The following DPP6 variants were observed in gnomAD, a reference collection of about 807,000 sequenced individuals.
DPP6 encodes A-type potassium channel modulatory protein DPP6.
Under a neutral mutation model 122.6 loss-of-function variants are expected in DPP6, and 69 were observed. The ratio of observed to expected loss-of-function variants is 0.56; its 90% CI spans 0.46 to 0.69. The LOEUF is 0.69. Among genes scored for constraint, DPP6 ranks in the 30% least tolerant of loss-of-function variants. The pLI is 0.00. For synonymous variants in DPP6, 418 were observed against 433.1 expected (o/e 0.97, Z 0.43); for missense variants, 928 against 1,116.9 (o/e 0.83, Z 2.41).
intron 1 of DPP6, among the ~76,000 whole-genome samples, chr7:154,186,138 C>T (rs1798342961): frequency 6.6e-6 from 1 of 152,106 alleles, no homozygotes; most frequent in African/African-American, 2.4e-5. Flanking sequence ...AGATTTCATC[C>T]GAACAGCATG....
At chr7:154,739,489 G>A (rs968733253) in intron 8 of DPP6, among the ~76,000 whole-genome samples, 3 of 152,262 alleles carry the variant, frequency 2.0e-5, no homozygotes, top group Non-Finnish European at 4.4e-5. Context: ...TTGTCTGCCC[G>A]GATCACAAAT....
intron 3 of DPP6, among the ~76,000 whole-genome samples, chr7:154,502,151 T>G (rs754752351): frequency 6.6e-6 from 1 of 152,162 alleles, no homozygotes; most frequent in Non-Finnish European, 1.5e-5. Flanking sequence ...GTACCCCCAT[T>G]GTATTTAGGA....
chr7:154,568,654 A>G (rs757439449), intron 5 of DPP6, among the ~76,000 whole-genome samples: 7 of 152,144 alleles, frequency 4.6e-5, no homozygotes, highest in Admixed American at 6.5e-5. Flanking sequence ...CCATTTTGAT[A>G]AAGATCATTT....
chr7:154,053,151 G>T (rs574503334), intron 1 of DPP6, 88 bp downstream of exon 1: 13 of 921,826 alleles, frequency 1.4e-5, no homozygotes, highest in Admixed American at 6.2e-5. Flanking sequence ...ATTTTTTTTG[G>T]GGGGGGAATC....
intron 1 of DPP6, among the ~76,000 whole-genome samples, chr7:154,318,100 A>G (rs1019011802): frequency 6.6e-6 from 1 of 152,212 alleles, no homozygotes. Flanking sequence ...GAGAATTCCT[A>G]ATTACACTGG....
At position 154,587,877 on chromosome 7, in the gene DPP6, A is replaced by G. The variant is rs779569958; in HGVS notation, c.627+20961A>G. 9.9e-6 allele frequency: 16 copies of G among 1,612,862 alleles called. No homozygotes were observed. In the East Asian group the frequency reaches 2.2e-4, roughly 22 times the overall value. On this transcript the variant is annotated intron_variant, in intron 5 of 25. Coordinates refer to ENST00000377770, the MANE Select transcript of DPP6 (RefSeq NM_130797.4). ...AAGGGGGACCTGTTTCAGATATTCC[A>G]TGGAGACCCTGGCTGGAGGATTGCA...
rs6960076 is a variant in DPP6 at position 154,481,103 on chromosome 7, C to T, written c.457+6066C>T. 0.22 allele frequency among the ~76,000 whole-genome samples: 33,942 copies of T among 151,888 alleles called. 4,750 individuals carry two copies. Among genetic ancestry groups the T allele is most frequent in the African/African-American group, 0.39 (16,286 of 41,360 alleles). On this transcript the variant is annotated intron_variant, in intron 3 of 25. Transcript: ENST00000377770. The surrounding 1 kb of genome is among the most constrained non-coding windows in gnomAD (Gnocchi z 4.2). ...AGCAGGAAGGACCGAGGCTCTACTC[C>T]GGCACCTCAGGTACTAGCTCAGGTG...
the DPP6 span, among the ~76,000 whole-genome samples, chr7:153,809,748 A>G: frequency 6.6e-6 from 1 of 151,056 alleles, no homozygotes; most frequent in Non-Finnish European, 1.5e-5. Flanking sequence ...GAGGGTATGT[A>G]TGAGCTCCAC....
At chr7:153,818,647 C>T in the DPP6 span, among the ~76,000 whole-genome samples, 1 of 151,304 alleles carries the variant, frequency 6.6e-6, no homozygotes, top group Non-Finnish European at 1.5e-5. Flanking sequence ...ATAGCCAAAG[C>T]CAGTTTTTAA....
intron 5 of DPP6, among the ~76,000 whole-genome samples, chr7:154,581,424 C>T (rs1832062113): frequency 6.6e-6 from 1 of 152,186 alleles, no homozygotes; most frequent in Non-Finnish European, 1.5e-5. Context: ...TCCTCCCCCA[C>T]TTCCTCCCAC....
At chr7:154,237,492 A>C (rs528752491) in intron 1 of DPP6, among the ~76,000 whole-genome samples, 1 of 152,314 alleles carries the variant, frequency 6.6e-6, no homozygotes, top group African/African-American at 2.4e-5. Context: ...TTAGAAAACA[A>C]CTAAGTGAAC....
rs991620808 is a variant in DPP6 at position 154,219,735 on chromosome 7, G to A, written c.243+166672G>A. Among the ~76,000 whole-genome samples, 5 of 152,078 alleles carry A rather than the reference G, an allele frequency of 3.3e-5. No homozygotes were observed. In the East Asian group the frequency reaches 5.8e-4, roughly 18 times the overall value. On this transcript the variant is annotated intron_variant, in intron 1 of 25. Transcript: ENST00000377770. ...CAAGTAGCTGGGATTACAGGTGCCT[G>A]CCACCACACCTGGCTAATTTTTTGT...
chr7:154,349,126 CAT>C (rs1259224187), intron 1 of DPP6, among the ~76,000 whole-genome samples: 3 of 152,288 alleles, frequency 2.0e-5, no homozygotes, highest in African/African-American at 4.8e-5. Context: ...AAGGGGGTGA[CAT>C]GTGGATTTTA....
intron 1 of DPP6, among the ~76,000 whole-genome samples, chr7:154,243,520 G>A (rs1394523169): frequency 6.6e-6 from 1 of 152,176 alleles, no homozygotes; most frequent in Non-Finnish European, 1.5e-5. Context: ...AGAGGCCGGG[G>A]CACAGTGGCT....
At chr7:154,836,497 G>A (rs528961568) in intron 16 of DPP6, among the ~76,000 whole-genome samples, 1 of 152,176 alleles carries the variant, frequency 6.6e-6, no homozygotes, top group African/African-American at 2.4e-5. Context: ...CACTTGTGCG[G>A]CTGTTCGAAT....
chr7:153,843,832 A>G, the DPP6 span, among the ~76,000 whole-genome samples: 1 of 152,212 alleles, frequency 6.6e-6, no homozygotes, highest in East Asian at 1.9e-4. Context: ...AAAGCTGGTT[A>G]CAAACAATCC....
the DPP6 span, among the ~76,000 whole-genome samples, chr7:153,834,511 G>A: frequency 6.6e-6 from 1 of 151,974 alleles, no homozygotes; most frequent in Non-Finnish European, 1.5e-5. Flanking sequence ...TTCTTCTAAA[G>A]GTTAAATTGT....
At chr7:154,587,686 C>T (rs1402294306) in intron 5 of DPP6, 1 of 1,550,638 alleles carries the variant, frequency 6.4e-7, no homozygotes, top group South Asian at 1.2e-5. Context: ...GACATTGCCT[C>T]ATTCAAAATC....
rs551165123 is a variant in DPP6, at chr7:154,624,502, T to C, written c.628-13319T>C. On this transcript the variant is annotated intron_variant, in intron 5 of 25. Transcript: ENST00000377770. This position sits in a 1 kb window ranked among gnomAD's most constrained non-coding sequence, Gnocchi z 4.7. ...AACAAACAAACAAACAAACAAAAAA[T>C]ATATGCAGAGAAGAGAGTACTTAGG... Among the ~76,000 whole-genome samples the C allele has an allele frequency of 2.6e-5, 4 of 151,814 alleles. No individual in the cohort carries two copies. The South Asian group carries it at 8.3e-4, about 32-fold the overall frequency.
Sources: allele counts gnomAD v4.1 joint callset (sites outside exome capture counted in the v4.1 genomes callset), GRCh38; gene constraint gnomAD v4.1.1; non-coding constraint Gnocchi (gnomAD v3.1); transcripts MANE v1.5; gene names NCBI Gene and HGNC (gene_info 2026-07-23, HGNC 2026-07-21).